ATP8A2: variants seen among roughly 807,000 people sequenced by gnomAD.
ATP8A2 encodes the protein ATPase phospholipid transporting 8A2.
A neutral mutation model predicts 165.6 loss-of-function variants in ATP8A2; 100 were observed. That is an observed-to-expected ratio of 0.60 (90% CI 0.51 to 0.71). The LOEUF is 0.71. Ranked by LOEUF, ATP8A2 falls within the 30% of genes least tolerant of loss-of-function variation. The pLI is 0.00. For missense variants in ATP8A2, 1,227 were observed against 1,479.5 expected (o/e 0.83, Z 2.80); for synonymous variants, 543 against 548.8 (o/e 0.99, Z 0.15).
chr13:25,558,978 A>G lies in ATP8A2; in HGVS notation c.1269A>G (p.Lys423=), dbSNP rs757078819. 32 of 1,602,770 alleles carry G rather than the reference A, an allele frequency of 2.0e-5. No homozygotes were observed. Among genetic ancestry groups the G allele is most frequent in the Non-Finnish European group, 2.6e-5 (30 of 1,173,770 alleles). The stretch of plus-strand genomic sequence containing the variant: ...TCTTTTATTCTTTGGTTTAGGTGAA[A>G]TATCTCTTTTCTGACAAGACTGGAA... ...SNLNEELGQV[K]YLFSDKTGTL... is the part of the protein sequence containing the mutation. The change falls in exon 14 of 37, where the codon AAA becomes AAG. Residue 423 remains lysine, a synonymous_variant. Coordinates refer to ENST00000381655, the MANE Select transcript of ATP8A2 (RefSeq NM_016529.6).
At chr13:25,878,026 T>A (rs1366281999) in intron 33 of ATP8A2, among the ~76,000 whole-genome samples, 2 of 152,340 alleles carry the variant, frequency 1.3e-5, no homozygotes, top group African/African-American at 4.8e-5. Context: ...CAAAATGTTA[T>A]CAGTTTAACC....
chr13:25,621,680 T>C (rs537835456), intron 24 of ATP8A2, among the ~76,000 whole-genome samples: 4 of 152,280 alleles, frequency 2.6e-5, no homozygotes, highest in African/African-American at 9.6e-5. Context: ...TGGATTCCCA[T>C]CCAGTGCTTG....
chr13:25,880,275 A>C (rs1035572699), intron 33 of ATP8A2, among the ~76,000 whole-genome samples: 1 of 151,858 alleles, frequency 6.6e-6, no homozygotes, highest in African/African-American at 2.4e-5. Context: ...ATAGATGGCT[A>C]TCTCTTGGCA....
chr13:25,425,211 T>C, intron 1 of ATP8A2, among the ~76,000 whole-genome samples: 1 of 152,180 alleles, frequency 6.6e-6, no homozygotes. Flanking sequence ...ATACTATCAT[T>C]AGAGCACTTG....
At chr13:25,916,347 AC>A (rs1375590327) in intron 33 of ATP8A2, among the ~76,000 whole-genome samples, 21 of 152,320 alleles carry the variant, frequency 1.4e-4, no homozygotes, top group African/African-American at 4.6e-4. Context: ...AACTGTGTCG[AC>A]GGTACCAGCC....
At chr13:25,635,242 GAGA>G (rs1325441292) in intron 24 of ATP8A2, among the ~76,000 whole-genome samples, 5 of 152,192 alleles carry the variant, frequency 3.3e-5, no homozygotes, top group African/African-American at 1.2e-4. Context: ...AGGAGAATGT[GAGA>G]AGGAGTGTGC....
chr13:25,787,962 A>G (rs586546), intron 27 of ATP8A2, among the ~76,000 whole-genome samples: 152,256 of 152,360 alleles, frequency 1, 76,076 homozygotes, highest in Middle Eastern at 1. Context: ...CCCTTTCTGC[A>G]CAGAAGAAAT....
At chr13:25,391,497 G>C (rs1033356850) in intron 1 of ATP8A2, among the ~76,000 whole-genome samples, 7 of 152,224 alleles carry the variant, frequency 4.6e-5, no homozygotes, top group African/African-American at 1.7e-4. Flanking sequence ...TCCCCAAGAA[G>C]TTCTTAGGAA....
chr13:25,829,669 T>G (rs1951405795), intron 28 of ATP8A2, among the ~76,000 whole-genome samples: 1 of 2,642 alleles, frequency 3.8e-4, no homozygotes, highest in South Asian at 0.012. Flanking sequence ...ACAGGTGTGG[T>G]ATATATATAT....
At chr13:25,435,932 AGTGTGT>A (rs781137300) in intron 1 of ATP8A2, among the ~76,000 whole-genome samples, 7 of 75,800 alleles carry the variant, frequency 9.2e-5, no homozygotes, top group African/African-American at 2.5e-4. Flanking sequence ...TGTGTGTGTG[AGTGTGT>A]GTGTGTGTGT....
rs141132119 is a variant in ATP8A2 at position 25,446,330 on chromosome 13, C to T, written c.77-22647C>T. Among the ~76,000 whole-genome samples, 674 of 152,248 alleles carry T rather than the reference C, an allele frequency of 4.4e-3. 6 individuals carry two copies. The highest frequency in any genetic ancestry group is 0.014 in the African/African-American group (582 of 41,542). Reference sequence around the variant, plus strand: ...TTTACCACTTATCTTTCACCTAGCCCCCTCTTCCCCAAATGAGCGCAGAAT... The same window carrying T: ...TTTACCACTTATCTTTCACCTAGCCTCCTCTTCCCCAAATGAGCGCAGAAT... On this transcript the variant is annotated intron_variant, in intron 1 of 36. Transcript: ENST00000381655.
At chr13:25,501,978 G>T (rs528370580) in intron 2 of ATP8A2, among the ~76,000 whole-genome samples, 7 of 152,336 alleles carry the variant, frequency 4.6e-5, no homozygotes, top group Admixed American at 4.6e-4. Flanking sequence ...GGAAGCAAAT[G>T]TTGAACCCTT....
chr13:25,612,742 C>T (rs913338914), intron 24 of ATP8A2, among the ~76,000 whole-genome samples: 6 of 152,064 alleles, frequency 3.9e-5, no homozygotes, highest in South Asian at 2.1e-4. Flanking sequence ...GTATTGAAGT[C>T]GCCACTATTA....
At chr13:25,649,015 G>T (rs769309123) in intron 24 of ATP8A2, 5 of 507,804 alleles carry the variant, frequency 9.8e-6, no homozygotes, top group African/African-American at 3.9e-5. Context: ...CTTTCATTAG[G>T]GTCAATTTTT....
At chr13:25,774,428 G>A (rs1335262620) in intron 26 of ATP8A2, among the ~76,000 whole-genome samples, 1 of 152,020 alleles carries the variant, frequency 6.6e-6, no homozygotes, top group African/African-American at 2.4e-5. Flanking sequence ...GGGGAGGGAG[G>A]GCATCAGATT....
chr13:25,506,961 A>C (rs369134119), intron 2 of ATP8A2, among the ~76,000 whole-genome samples: 56 of 145,276 alleles, frequency 3.9e-4, no homozygotes, highest in Non-Finnish European at 7.7e-4. Context: ...ATATATATAT[A>C]TCTTATTTTA....
At chr13:25,522,395 T>C (rs1433571893) in intron 2 of ATP8A2, among the ~76,000 whole-genome samples, 3 of 152,182 alleles carry the variant, frequency 2.0e-5, no homozygotes, top group Admixed American at 6.5e-5. Flanking sequence ...CGGATGCCCT[T>C]TATTTATTTC....
chr13:25,888,924 A>G lies in ATP8A2; in HGVS notation c.3183+26516A>G, dbSNP rs559112233. On this transcript the variant is annotated intron_variant, in intron 33 of 36. Transcript: ENST00000381655. Reference sequence around the variant, plus strand: ...AGAAGGAAATTTTATTGAAATCACTAGTTTTTTTTCTTTTATGTATGTGAA... The same window carrying G: ...AGAAGGAAATTTTATTGAAATCACTGGTTTTTTTTCTTTTATGTATGTGAA... 1.1e-4 allele frequency among the ~76,000 whole-genome samples: 16 copies of G among 152,156 alleles called. No homozygotes were observed. In the East Asian group the frequency reaches 2.9e-3, roughly 28 times the overall value.
chr13:25,624,492 C>T (rs906784189), intron 24 of ATP8A2, among the ~76,000 whole-genome samples: 2 of 151,992 alleles, frequency 1.3e-5, no homozygotes, highest in Non-Finnish European at 2.9e-5. Flanking sequence ...GTTAGGTGGC[C>T]CAGTTAACCT....
Sources: allele counts gnomAD v4.1 joint callset (sites outside exome capture counted in the v4.1 genomes callset), GRCh38; gene constraint gnomAD v4.1.1; transcripts MANE v1.5; gene names NCBI Gene and HGNC (gene_info 2026-07-23, HGNC 2026-07-21).